FOXN3: variants seen among roughly 807,000 people sequenced by gnomAD.
FOXN3 encodes forkhead box N3.
A neutral mutation model predicts 38.4 loss-of-function variants in FOXN3; 7 were observed. The ratio of observed to expected loss-of-function variants is 0.18; its 90% CI spans 0.10 to 0.34. The LOEUF is 0.34. Ranked by LOEUF, FOXN3 falls within the 10% of genes least tolerant of loss-of-function variation. The pLI, the probability that FOXN3 is intolerant of heterozygous loss-of-function variation, is 1.00. For synonymous variants in FOXN3, 230 were observed against 242.2 expected (o/e 0.95, Z 0.47); for missense variants, 456 against 613.4 (o/e 0.74, Z 2.71).
intron 3 of FOXN3, among the ~76,000 whole-genome samples, chr14:89,339,631 G>A (rs1232048266): frequency 6.6e-6 from 1 of 152,234 alleles, no homozygotes; most frequent in East Asian, 1.9e-4. Context: ...ACTGCGGGCA[G>A]GATCGGGCAG....
At chr14:89,200,765 T>C (rs930769078) in intron 4 of FOXN3, among the ~76,000 whole-genome samples, 1 of 152,208 alleles carries the variant, frequency 6.6e-6, no homozygotes, top group East Asian at 1.9e-4. Flanking sequence ...TCCAGCCCTT[T>C]GACAAGACAC....
intron 3 of FOXN3, among the ~76,000 whole-genome samples, chr14:89,340,636 T>A (rs1888588182): frequency 6.6e-6 from 1 of 152,176 alleles, no homozygotes; most frequent in African/African-American, 2.4e-5. Context: ...GGACACCAGT[T>A]TGGCTCTTCC....
In FOXN3 at chr14:89,190,493, G is replaced by GGT. The variant is rs202051297; in HGVS notation, c.746-9689_746-9688dup. 2.8e-4 allele frequency: 419 copies of GGT among 1,509,112 alleles called. 1 individual carries two copies. Among genetic ancestry groups the GGT allele is most frequent in the South Asian group, 2.2e-4 (19 of 87,610 alleles). 93.5% of individuals were successfully genotyped at this position (1,509,112 alleles called of 1,614,324 possible). A position where few individuals can be genotyped will look rare whatever the true frequency, so the allele number is the denominator to read the frequency against. ...AAATAACATTATTTACAACGGGGCCGGTGTGTGTGTGTGTTTTTCCCCCTG... is the reference window on the plus strand; with the variant it reads ...AAATAACATTATTTACAACGGGGCCGGTGTGTGTGTGTGTGTTTTTCCCCCTG... On this transcript the variant is annotated intron_variant, in intron 4 of 5. Coordinates refer to ENST00000557258, the MANE Select transcript of FOXN3 (RefSeq NM_005197.4).
chr14:89,325,348 ACCACCAC>A (rs1888043013), intron 3 of FOXN3, among the ~76,000 whole-genome samples: 1 of 121,532 alleles, frequency 8.2e-6, no homozygotes, highest in Non-Finnish European at 1.8e-5. Context: ...CACCACCACC[ACCACCAC>A]CACCACTACC....
At chr14:89,563,603 G>A (rs1895291462) in intron 1 of FOXN3, among the ~76,000 whole-genome samples, 1 of 152,160 alleles carries the variant, frequency 6.6e-6, no homozygotes, top group African/African-American at 2.4e-5. Context: ...GCGAGCCTTG[G>A]GGGAGTAGGG....
At chr14:89,423,478 CA>C in intron 1 of FOXN3, among the ~76,000 whole-genome samples, 2 of 152,092 alleles carry the variant, frequency 1.3e-5, no homozygotes, top group East Asian at 3.9e-4. Flanking sequence ...TGTGTAAAAT[CA>C]GGGGTCATAA....
chr14:89,528,376 CT>C (rs55935162), intron 1 of FOXN3, among the ~76,000 whole-genome samples: 98 of 53,558 alleles, frequency 1.8e-3, no homozygotes, highest in East Asian at 7.0e-3. Flanking sequence ...ATGGATGAAT[CT>C]TTTTTTTTTT....
chr14:89,240,671 A>G (rs549807113), intron 4 of FOXN3, among the ~76,000 whole-genome samples: 1 of 152,382 alleles, frequency 6.6e-6, no homozygotes, highest in South Asian at 2.1e-4. Context: ...AATGATACAG[A>G]GGAAACTGGT....
At chr14:89,515,397 TA>T (rs1894180444) in intron 1 of FOXN3, among the ~76,000 whole-genome samples, 2 of 152,182 alleles carry the variant, frequency 1.3e-5, no homozygotes, top group Non-Finnish European at 2.9e-5. Flanking sequence ...GCAATACAGT[TA>T]AGACCATTTA....
chr14:89,318,281 C>A (rs758632030), intron 3 of FOXN3, among the ~76,000 whole-genome samples: 1 of 151,724 alleles, frequency 6.6e-6, no homozygotes, highest in African/African-American at 2.4e-5. Flanking sequence ...GCTTCAGCCA[C>A]CCAAGTAGCT....
At chr14:89,227,196 C>A (rs1320361234) in intron 4 of FOXN3, among the ~76,000 whole-genome samples, 9 of 152,164 alleles carry the variant, frequency 5.9e-5, no homozygotes, top group Admixed American at 3.3e-4. Flanking sequence ...CATGCTGGTA[C>A]CCCTCAGCAC....
chr14:89,525,524 T>C (rs779295812), intron 1 of FOXN3, among the ~76,000 whole-genome samples: 1 of 151,324 alleles, frequency 6.6e-6, no homozygotes, highest in Non-Finnish European at 1.5e-5. Flanking sequence ...TAGCATACAA[T>C]CAAGAAATAT....
chr14:89,560,210 G>C (rs79318705), intron 1 of FOXN3, among the ~76,000 whole-genome samples: 4 of 152,120 alleles, frequency 2.6e-5, no homozygotes, highest in African/African-American at 9.7e-5. Flanking sequence ...CATGAGAACT[G>C]CAAGAGGGAA....
chr14:89,537,480 G>A (rs1894713444), intron 1 of FOXN3, among the ~76,000 whole-genome samples: 1 of 152,074 alleles, frequency 6.6e-6, no homozygotes, highest in Non-Finnish European at 1.5e-5. Flanking sequence ...TGGATGGATG[G>A]ATGGATGGAC....
rs1555419017 is a variant in FOXN3 at position 89,336,170 on chromosome 14, A to ACACACAAG, written c.680+14501_680+14502insCTTGTGTG. On this transcript the variant is annotated intron_variant, in intron 3 of 5. Coordinates refer to ENST00000557258, the MANE Select transcript of FOXN3 (RefSeq NM_005197.4). Reference sequence around the variant, plus strand: ...CACACACACACACACACACACACACACATTCATAATCCTTAGTCACCCCTT... The same window carrying ACACACAAG: ...CACACACACACACACACACACACACACACACAAGCATTCATAATCCTTAGTCACCCCTT... Among the ~76,000 whole-genome samples the ACACACAAG allele has an allele frequency of 6.1e-5, 9 of 148,686 alleles. No individual in the cohort carries two copies. In the South Asian group the frequency reaches 8.5e-4, roughly 14 times the overall value.
chr14:89,430,192 A>G (rs1000662059), intron 1 of FOXN3, among the ~76,000 whole-genome samples: 3 of 152,262 alleles, frequency 2.0e-5, no homozygotes, highest in Non-Finnish European at 2.9e-5. Context: ...AATGACAACA[A>G]TGCACAAAGG....
intron 1 of FOXN3, among the ~76,000 whole-genome samples, chr14:89,583,427 T>C (rs192190202): frequency 2.0e-5 from 3 of 152,296 alleles, no homozygotes; most frequent in Admixed American, 2.0e-4. Context: ...TTCATCCCAT[T>C]TTGCGCTTCC....
chr14:89,325,214 GCACCACCACCACCACCATCACTAC>G (rs1343487517), intron 3 of FOXN3, among the ~76,000 whole-genome samples: 1 of 140,136 alleles, frequency 7.1e-6, no homozygotes, highest in Non-Finnish European at 1.5e-5. Context: ...CAACACACAT[GCACCACCACCACCACCATCACTAC>G]CACCACCACG....
At chr14:89,325,326 C>CACG (rs1888038868) in intron 3 of FOXN3, among the ~76,000 whole-genome samples, 3 of 132,384 alleles carry the variant, frequency 2.3e-5, no homozygotes, top group African/African-American at 3.5e-5. Context: ...CCACCACCAC[C>CACG]ACCACCACCA....
Sources: gnomAD v4.1 joint callset for allele counts (sites outside exome capture counted in the v4.1 genomes callset) on GRCh38, gnomAD v4.1.1 for gene constraint, MANE v1.5 for transcripts, NCBI Gene and HGNC (gene_info 2026-07-23, HGNC 2026-07-21) for gene names.